MC2R: variants seen among roughly 807,000 people sequenced by gnomAD.
MC2R encodes adrenocorticotropic hormone receptor.
MC2R carries 9 observed loss-of-function variants against 9.8 expected under a neutral mutation model. That is an observed-to-expected ratio of 0.92 (90% CI 0.55 to 1.60). The LOEUF (loss-of-function observed/expected upper bound fraction) is 1.60. MC2R is among the 40% of genes most tolerant of loss of function. The pLI, the probability that MC2R is intolerant of heterozygous loss-of-function variation, is 0.00. For missense variants in MC2R, 370 were observed against 389.0 expected, an observed-to-expected ratio of 0.95 and a Z score of 0.41; for synonymous variants, 185 against 154.7, an observed-to-expected ratio of 1.20 and a Z score of -1.45.
intron 1 of MC2R, among the ~76,000 whole-genome samples, chr18:13,907,432 T>C (rs1025049889): frequency 6.6e-6 from 1 of 152,138 alleles, no homozygotes; most frequent in Non-Finnish European, 1.5e-5. Flanking sequence ...GAAGAAAACA[T>C]TGTGGAAATG....
intron 1 of MC2R, among the ~76,000 whole-genome samples, chr18:13,913,880 C>A (rs1342675287): frequency 6.6e-6 from 1 of 152,150 alleles, no homozygotes; most frequent in African/African-American, 2.4e-5. Flanking sequence ...TAGGATAAGA[C>A]CTGCCCTGAC....
At chr18:13,914,028 T>C (rs948799507) in intron 1 of MC2R, among the ~76,000 whole-genome samples, 1 of 151,944 alleles carries the variant, frequency 6.6e-6, no homozygotes, top group Non-Finnish European at 1.5e-5. Flanking sequence ...ATAGGAAACA[T>C]ACCTGGGATC....
chr18:13,906,738 A>T (rs1394509226), intron 1 of MC2R, among the ~76,000 whole-genome samples: 1 of 152,236 alleles, frequency 6.6e-6, no homozygotes, highest in Non-Finnish European at 1.5e-5. Context: ...ATACAACAAC[A>T]GTGAACAATC....
At chr18:13,905,947 TCA>T (rs1491144219) in intron 1 of MC2R, among the ~76,000 whole-genome samples, 3 of 152,124 alleles carry the variant, frequency 2.0e-5, no homozygotes, top group Non-Finnish European at 2.9e-5. Context: ...TCCCAGCTAC[TCA>T]GAGAGCTGAG....
intron 1 of MC2R, among the ~76,000 whole-genome samples, chr18:13,905,786 G>A (rs371016884): frequency 5.3e-5 from 8 of 152,274 alleles, no homozygotes; most frequent in African/African-American, 1.4e-4. Context: ...GGCCAGGTGC[G>A]ATGGTTCACG....
chr18:13,894,897 C>A (rs138272186), intron 1 of MC2R, among the ~76,000 whole-genome samples: 5 of 152,358 alleles, frequency 3.3e-5, no homozygotes, highest in African/African-American at 1.2e-4. Context: ...TATCAACCCA[C>A]GCGACCTGTC....
At chr18:13,886,939 C>T (rs1024945028) in intron 1 of MC2R, among the ~76,000 whole-genome samples, 3 of 152,100 alleles carry the variant, frequency 2.0e-5, no homozygotes, top group Non-Finnish European at 2.9e-5. Context: ...TTTGTGGGTC[C>T]GGTGGATGCG....
chr18:13,897,475 G>A (rs1202241011), intron 1 of MC2R, among the ~76,000 whole-genome samples: 2 of 152,144 alleles, frequency 1.3e-5, no homozygotes, highest in Non-Finnish European at 2.9e-5. Context: ...TCCTAACGCT[G>A]AACTAGGCCC....
At chr18:13,891,662 GCTGTGGAGT>G (rs2045316433) in intron 1 of MC2R, among the ~76,000 whole-genome samples, 2 of 152,272 alleles carry the variant, frequency 1.3e-5, no homozygotes, top group South Asian at 4.1e-4. Context: ...CTATATTCTT[GCTGTGGAGT>G]CTGTGAGCCC....
intron 1 of MC2R, among the ~76,000 whole-genome samples, chr18:13,890,861 G>A (rs7230275): frequency 0.37 from 56,336 of 151,988 alleles, 10,467 homozygotes; most frequent in Middle Eastern, 0.41. Context: ...CAGTCGTTAG[G>A]GTTTCTGGGA....
chr18:13,886,939 CG>C (rs1448130121), intron 1 of MC2R, among the ~76,000 whole-genome samples: 23 of 152,100 alleles, frequency 1.5e-4, no homozygotes, highest in African/African-American at 4.8e-4. Context: ...TTTGTGGGTC[CG>C]GTGGATGCGG....
chr18:13,891,668 G>C (rs752461323), intron 1 of MC2R, among the ~76,000 whole-genome samples: 4 of 152,148 alleles, frequency 2.6e-5, no homozygotes, highest in African/African-American at 9.7e-5. Flanking sequence ...TCTTGCTGTG[G>C]AGTCTGTGAG....
chr18:13,899,729 C>A (rs1348052581), intron 1 of MC2R, among the ~76,000 whole-genome samples: 3 of 152,064 alleles, frequency 2.0e-5, no homozygotes, highest in Non-Finnish European at 4.4e-5. Flanking sequence ...AAGGGAAAAA[C>A]TTTTACCTGA....
intron 1 of MC2R, among the ~76,000 whole-genome samples, chr18:13,897,541 A>G (rs1470580818): frequency 6.6e-6 from 1 of 152,118 alleles, no homozygotes; most frequent in African/African-American, 2.4e-5. Flanking sequence ...TGGGGTGGCT[A>G]AGGGAGTGCT....
chr18:13,912,512 G>C (rs1464085574), intron 1 of MC2R, among the ~76,000 whole-genome samples: 4 of 152,140 alleles, frequency 2.6e-5, no homozygotes, highest in Non-Finnish European at 5.9e-5. Context: ...GAGGAGCTGG[G>C]AACTGAGGGG....
chr18:13,892,497 G>T (rs2045321166), intron 1 of MC2R, among the ~76,000 whole-genome samples: 1 of 152,156 alleles, frequency 6.6e-6, no homozygotes, highest in African/African-American at 2.4e-5. Context: ...TTGGAGCATG[G>T]GTGGCGGATG....
chr18:13,885,922 T>C (rs1285328504), intron 1 of MC2R, among the ~76,000 whole-genome samples: 2 of 152,154 alleles, frequency 1.3e-5, no homozygotes, highest in Non-Finnish European at 2.9e-5. Context: ...GGTCATGTCT[T>C]TTGCAGCAAC....
intron 1 of MC2R, among the ~76,000 whole-genome samples, chr18:13,886,337 T>C (rs1407797615): frequency 2.0e-5 from 3 of 152,252 alleles, no homozygotes; most frequent in South Asian, 2.1e-4. Flanking sequence ...GCAAAGATTA[T>C]TCTTTGCCGC....
Position 13,885,582 on chromosome 18 carries a change from AT to A in MC2R, c.-65del. On this transcript the variant is annotated 5_prime_UTR_variant, in exon 2 of 2. Transcript: ENST00000327606. ...CTTGACTTCACGGAAAACTTGATTG[AT>A]TCTTCAGGATCTTTTCTTCCTTGTA... 1 of 1,558,838 alleles carries A rather than the reference AT, an allele frequency of 6.4e-7. No homozygotes were observed. The highest frequency in any genetic ancestry group is 8.8e-7 in the Non-Finnish European group (1 of 1,132,618).
Sources: gnomAD v4.1 joint callset for allele counts (sites outside exome capture counted in the v4.1 genomes callset) on GRCh38, gnomAD v4.1.1 for gene constraint, MANE v1.5 for transcripts, NCBI Gene and HGNC (gene_info 2026-07-23, HGNC 2026-07-21) for gene names.